The following CDK12 variants were observed in gnomAD, a reference collection of about 807,000 sequenced individuals.
CDK12 encodes cyclin dependent kinase 12.
CDK12 carries 17 observed loss-of-function variants against 133.8 expected under a neutral mutation model. The observed-to-expected ratio is 0.13, with a 90% CI of 0.09 to 0.19. The LOEUF (loss-of-function observed/expected upper bound fraction) is 0.19. Among genes scored for constraint, CDK12 ranks in the 10% least tolerant of loss-of-function variants. The pLI is 1.00. For missense variants in CDK12, 1,508 were observed against 1,818.7 expected, an observed-to-expected ratio of 0.83 and a Z score of 3.11; for synonymous variants, 694 against 683.6, an observed-to-expected ratio of 1.02 and a Z score of -0.24.
In CDK12 at chr17:39,471,693, C is replaced by A. The variant is rs758970076; in HGVS notation, c.1861C>A (p.His621Asn). ...TQVSVTAAIPHLKTSTLPPLP... is the reference protein window; with the variant it reads ...TQVSVTAAIPNLKTSTLPPLP... ...AGTATCTGTAACAGCTGCTATTCCA[C>A]ACCTGAAAACTTCAACGTTGCCTCC... Residue 621 changes from histidine (H) to asparagine (N), a missense_variant, in exon 2 of 14, where the codon CAC becomes AAC. By Grantham distance (68) the His-to-Asn change is moderately conservative. This residue lies in a region of CDK12 where 347 missense variants were observed against 330.8 expected (regional missense o/e 1.05). Coordinates refer to ENST00000447079, the MANE Select transcript of CDK12 (RefSeq NM_016507.4). 1 of 1,614,114 alleles carries A rather than the reference C, an allele frequency of 6.2e-7. No homozygotes were observed. Among genetic ancestry groups the A allele is most frequent in the Non-Finnish European group, 8.5e-7 (1 of 1,179,998 alleles).
At chr17:39,507,107 G>C (rs1280516850) in intron 6 of CDK12, among the ~76,000 whole-genome samples, 1 of 151,666 alleles carries the variant, frequency 6.6e-6, no homozygotes, top group Non-Finnish European at 1.5e-5. Context: ...ATGTTGGCCA[G>C]GCTGGTCTCA....
chr17:39,524,993 A>G, intron 12 of CDK12, 108 bp downstream of exon 12: 1 of 875,716 alleles, frequency 1.1e-6, no homozygotes, highest in Non-Finnish European at 1.7e-6. Context: ...TTTTTGGTCC[A>G]GTGAACCATT....
rs11406230 is a variant in CDK12, at chr17:39,501,208, T to TA, written c.2420-42_2420-41insA. ...TTGAGGCATTGTTATTTCAGCATTC[T>TA]TTTTTTTTTCTTGCTTTTAATTTTT... is the stretch of plus-strand genomic sequence containing the variant. On this transcript the variant is annotated intron_variant, in intron 5 of 13. Transcript: ENST00000447079. 1.6e-5 allele frequency: 18 copies of TA among 1,149,274 alleles called. No homozygotes were observed. In the South Asian group the frequency reaches 2.9e-4, roughly 19 times the overall value. The allele number at this position is 1,149,274 out of a possible 1,614,324, so 71.2% of individuals were successfully genotyped here.
At chr17:39,559,222 C>T (rs1439949387) in intron 3 of CDK12, among the ~76,000 whole-genome samples, 2 of 152,176 alleles carry the variant, frequency 1.3e-5, no homozygotes, top group African/African-American at 2.4e-5. Flanking sequence ...GTCTCTTGTA[C>T]ATTTTGCCCA....
At chr17:39,479,868 C>G (rs2050497052) in intron 2 of CDK12, among the ~76,000 whole-genome samples, 1 of 150,902 alleles carries the variant, frequency 6.6e-6, no homozygotes, top group South Asian at 2.1e-4. Context: ...CTCAGGTGCT[C>G]CACCCACCTT....
chr17:39,538,647 C>T (rs1299985724), downstream of CDK12, among the ~76,000 whole-genome samples: 1 of 152,140 alleles, frequency 6.6e-6, no homozygotes, highest in East Asian at 1.9e-4. Context: ...GCCTGTAATC[C>T]CAGCACTTTG....
chr17:39,485,121 GA>G (rs2051011582), intron 2 of CDK12, among the ~76,000 whole-genome samples: 1 of 147,990 alleles, frequency 6.8e-6, no homozygotes, highest in Non-Finnish European at 1.5e-5. Flanking sequence ...AGTGAGCTGA[GA>G]TCGCGCCACT....
At chr17:39,513,427 A>G (rs2053610791) in intron 8 of CDK12, among the ~76,000 whole-genome samples, 2 of 152,198 alleles carry the variant, frequency 1.3e-5, no homozygotes, top group Non-Finnish European at 2.9e-5. Flanking sequence ...CTACCCAAAT[A>G]AAATAAAGCT....
chr17:39,560,792 T>A (rs1385611363), intron 3 of CDK12, among the ~76,000 whole-genome samples: 1 of 152,146 alleles, frequency 6.6e-6, no homozygotes. Context: ...GGCAGGTGGA[T>A]CACTTGAGGT....
At chr17:39,525,158 G>A (rs984694914) in intron 12 of CDK12, among the ~76,000 whole-genome samples, 1 of 152,100 alleles carries the variant, frequency 6.6e-6, no homozygotes, top group Admixed American at 6.5e-5. Context: ...CAGTGAATTA[G>A]GTAAGCCAAA....
chr17:39,521,506 G>A lies in CDK12; in HGVS notation c.3095+1419G>A, dbSNP rs541597465. Among the ~76,000 whole-genome samples the A allele has an allele frequency of 5.3e-5, 8 of 152,170 alleles. No homozygotes were observed. The South Asian group carries it at 1.0e-3, about 20-fold the overall frequency. On this transcript the variant is annotated intron_variant, in intron 11 of 13. Coordinates refer to ENST00000447079, the MANE Select transcript of CDK12 (RefSeq NM_016507.4). ...TTGAACTCCTGGCCTCAGGTGATCC[G>A]CCCGCCTTGGCCTCCCAAGGTGCCG...
chr17:39,505,032 C>T (rs2053006736), intron 6 of CDK12, among the ~76,000 whole-genome samples: 1 of 150,496 alleles, frequency 6.6e-6, no homozygotes, highest in African/African-American at 2.5e-5. Context: ...CGTTCAAGAT[C>T]ATCTTGTCCA....
At chr17:39,478,349 A>G (rs2050379171) in intron 2 of CDK12, among the ~76,000 whole-genome samples, 1 of 151,304 alleles carries the variant, frequency 6.6e-6, no homozygotes, top group Admixed American at 6.6e-5. Flanking sequence ...ATGCCACCAT[A>G]TCCGGATAAT....
Position 39,462,578 on chromosome 17 carries a change from C to A in CDK12, c.507C>A (p.Ser169Arg). ...DDYGKAQVAK[S>R]SSKESRSSKL... ...ATGGGAAGGCGCAGGTAGCCAAAAG[C>A]AGCAGCAAGGAATCCAGGTCATCCA... Residue 169 changes from serine (S) to arginine (R), a missense_variant, in exon 1 of 14, where the codon AGC becomes AGA. Physicochemically the swap from Ser to Arg is moderately radical, Grantham distance 110 (BLOSUM62 -1). This residue lies in a region of CDK12 where 460 missense variants were observed against 490.8 expected (regional missense o/e 0.94). Coordinates refer to ENST00000447079, the MANE Select transcript of CDK12 (RefSeq NM_016507.4). 1 of 1,614,124 alleles carries A rather than the reference C, an allele frequency of 6.2e-7. No individual in the cohort carries two copies. The highest frequency in any genetic ancestry group is 8.5e-7 in the Non-Finnish European group (1 of 1,180,034).
upstream of CDK12, among the ~76,000 whole-genome samples, chr17:39,544,564 G>A (rs1479835313): frequency 1.3e-5 from 2 of 150,782 alleles, no homozygotes; most frequent in African/African-American, 4.9e-5. Flanking sequence ...TTCAACCTGC[G>A]CCTCCGGGGT....
chr17:39,505,417 C>G (rs1056375115), intron 6 of CDK12, among the ~76,000 whole-genome samples: 6 of 142,964 alleles, frequency 4.2e-5, no homozygotes, highest in African/African-American at 1.6e-4. Flanking sequence ...CCCAGCTACT[C>G]AGGAGGTTGA....
chr17:39,544,648 T>TA (rs1323349373), upstream of CDK12, among the ~76,000 whole-genome samples: 1 of 139,992 alleles, frequency 7.1e-6, no homozygotes, highest in Non-Finnish European at 1.6e-5. Context: ...TTTTTTTTTT[T>TA]TATGGAGTTT....
rs2054859404 is a variant in CDK12, at chr17:39,531,779, G to A, written c.*463G>A. 4.3e-6 allele frequency: 1 copy of A among 235,028 alleles called. No individual in the cohort carries two copies. Among genetic ancestry groups the A allele is most frequent in the South Asian group, 1.8e-4 (1 of 5,558 alleles). The allele number at this position is 235,028 out of a possible 1,614,324, so 14.6% of individuals were successfully genotyped here. On this transcript the variant is annotated 3_prime_UTR_variant, in exon 14 of 14. Transcript: ENST00000447079. ...GTTTTGGGTTTTTTTCCTTTAAAGA[G>A]AATAGTGTTCACAAAATTTGAGCTG...
intron 3 of CDK12, among the ~76,000 whole-genome samples, chr17:39,558,112 T>C (rs2056230649): frequency 6.6e-6 from 1 of 152,188 alleles, no homozygotes; most frequent in Non-Finnish European, 1.5e-5. Flanking sequence ...GTGAGTCCCC[T>C]GAGATTAAAG....
Sources: allele counts gnomAD v4.1 joint callset (sites outside exome capture counted in the v4.1 genomes callset), GRCh38; gene constraint gnomAD v4.1.1; regional missense constraint gnomAD v4.1.1; transcripts MANE v1.5; gene names NCBI Gene and HGNC (gene_info 2026-07-23, HGNC 2026-07-21).